EDNRB: variants seen among roughly 807,000 people sequenced by gnomAD.
EDNRB encodes the protein endothelin receptor type B, also known as Hirschsprung disease 2.
Under a neutral mutation model 46.4 loss-of-function variants are expected in EDNRB, and 18 were observed. The observed-to-expected ratio is 0.39, with a 90% CI of 0.27 to 0.57. EDNRB has a LOEUF of 0.57. Among genes scored for constraint, EDNRB ranks in the 20% least tolerant of loss-of-function variants. The pLI is 0.61. For missense variants in EDNRB, 434 were observed against 537.5 expected (o/e 0.81, Z 1.90); for synonymous variants, 213 against 204.9 (o/e 1.04, Z -0.34).
rs1280579016 is a variant in EDNRB, at chr13:77,897,981, G to T, written c.*219C>A. 4 of 1,337,466 alleles carry T rather than the reference G, an allele frequency of 3.0e-6. No individual in the cohort carries two copies. Among genetic ancestry groups the T allele is most frequent in the African/African-American group, 1.5e-5 (1 of 67,204 alleles). The allele number at this position is 1,337,466 out of a possible 1,614,324, so 82.8% of individuals were successfully genotyped here. On this transcript the variant is annotated 3_prime_UTR_variant, in exon 7 of 7. Coordinates refer to ENST00000646607, the MANE Select transcript of EDNRB (RefSeq NM_001122659.3). ...ACTGTAAAAAATTAAGTGCTTTCAC[G>T]ACGAGGCTTTCTTAATTCCCACTGA... is the stretch of plus-strand genomic sequence containing the variant.
Position 77,965,965 on chromosome 13 carries a change from C to T in EDNRB, c.-52+9382G>A, listed in dbSNP as rs776130675. Among the ~76,000 whole-genome samples the T allele has an allele frequency of 1.4e-4, 21 of 152,134 alleles. 1 individual carries two copies. The highest frequency in any genetic ancestry group is 4.1e-4 in the African/African-American group (17 of 41,440). ...GATCACAGCTCACTGCAGCCTCAAC[C>T]TTTTGGTCTCAAGCAATCCTTCCAC... On this transcript the variant is annotated intron_variant, in intron 1 of 7. Coordinates refer to the EDNRB transcript ENST00000646948.
chr13:77,934,350 CT>C (rs992431459), intron 1 of EDNRB, among the ~76,000 whole-genome samples: 7 of 152,226 alleles, frequency 4.6e-5, no homozygotes, highest in African/African-American at 1.4e-4. Context: ...GTCCGTTCTA[CT>C]TTTCCTGAAG....
At chr13:77,948,435 A>G (rs1399553688) in intron 1 of EDNRB, among the ~76,000 whole-genome samples, 17 of 152,210 alleles carry the variant, frequency 1.1e-4, no homozygotes, top group Admixed American at 1.1e-3. Flanking sequence ...AGTGCTTGGT[A>G]CTACATTTGA....
rs139698040 is a variant in EDNRB at position 77,934,682 on chromosome 13, G to T, written c.-51-16058C>A. The stretch of plus-strand genomic sequence containing the variant: ...CCCTGAGCTTGATGTGTAGGAAAGG[G>T]GGGGGGGGGCCTGAATAGTCCCTGA... On this transcript the variant is annotated intron_variant, in intron 1 of 7. Coordinates refer to the EDNRB transcript ENST00000646948. Among the ~76,000 whole-genome samples the T allele has an allele frequency of 8.7e-3, 1,242 of 142,878 alleles. 8 individuals carry two copies. The highest frequency in any genetic ancestry group is 0.012 in the Non-Finnish European group (828 of 66,654). The allele number at this position is 142,878 out of a possible 152,430, so 93.7% of individuals were successfully genotyped here.
At chr13:77,924,640 C>A (rs1880181140), upstream of EDNRB, among the ~76,000 whole-genome samples, 1 of 152,108 alleles carries the variant, frequency 6.6e-6, no homozygotes, top group South Asian at 2.1e-4. Context: ...ATCTCTGTAA[C>A]TTTTTCATCT....
At chr13:77,969,431 A>T (rs1881667613) in intron 1 of EDNRB, among the ~76,000 whole-genome samples, 1 of 152,152 alleles carries the variant, frequency 6.6e-6, no homozygotes. Context: ...TGGTACAATT[A>T]TGTCTATTTA....
intron 1 of EDNRB, among the ~76,000 whole-genome samples, chr13:77,961,845 G>GT (rs894148559): frequency 6.6e-6 from 1 of 152,068 alleles, no homozygotes; most frequent in African/African-American, 2.4e-5. Context: ...CCAGGAGCTG[G>GT]TTTTTTGAAA....
At chr13:77,948,881 A>G (rs2137672370) in intron 1 of EDNRB, among the ~76,000 whole-genome samples, 1 of 152,344 alleles carries the variant, frequency 6.6e-6, no homozygotes, top group Non-Finnish European at 1.5e-5. Flanking sequence ...AAAGCTAAAG[A>G]AAATACCTTG....
At chr13:77,901,638 G>A (rs2137607387) in intron 3 of EDNRB, among the ~76,000 whole-genome samples, 1 of 152,054 alleles carries the variant, frequency 6.6e-6, no homozygotes, top group South Asian at 2.1e-4. Flanking sequence ...ATACGAAAAG[G>A]TCTAGGTTAA....
upstream of EDNRB, among the ~76,000 whole-genome samples, chr13:77,924,144 T>A (rs1880165235): frequency 6.6e-6 from 1 of 152,226 alleles, no homozygotes; most frequent in South Asian, 2.1e-4. Flanking sequence ...AGTCATGGCA[T>A]GCTTTTGTCA....
At chr13:77,931,813 A>G (rs1316261456) in intron 1 of EDNRB, among the ~76,000 whole-genome samples, 1 of 150,302 alleles carries the variant, frequency 6.7e-6, no homozygotes, top group African/African-American at 2.4e-5. Flanking sequence ...TATTTTCAGT[A>G]GGGCATTTTT....
intron 1 of EDNRB, among the ~76,000 whole-genome samples, chr13:77,941,926 G>C (rs150382164): frequency 1.5e-4 from 23 of 152,194 alleles, no homozygotes; most frequent in Non-Finnish European, 2.5e-4. Context: ...AGAGATGGAA[G>C]AATAGAAGGC....
At chr13:77,941,444 G>T (rs1485601398) in intron 1 of EDNRB, among the ~76,000 whole-genome samples, 3 of 152,342 alleles carry the variant, frequency 2.0e-5, no homozygotes, top group African/African-American at 7.2e-5. Flanking sequence ...ACAGTTACTT[G>T]TATTGCACTA....
intron 1 of EDNRB, chr13:77,939,874 T>C (rs1880687862): frequency 6.6e-6 from 1 of 152,076 alleles, no homozygotes; most frequent in Non-Finnish European, 1.5e-5. Flanking sequence ...CACGTGCCTG[T>C]AGTCCCAGCT....
At chr13:77,940,016 A>AAATG (rs1880696655) in intron 1 of EDNRB, 1 of 151,356 alleles carries the variant, frequency 6.6e-6, no homozygotes, top group African/African-American at 2.4e-5. Flanking sequence ...ATAAATAAAT[A>AAATG]AATAAATAAA....
At chr13:77,905,276 A>G (rs1208463788) in intron 1 of EDNRB, among the ~76,000 whole-genome samples, 1 of 151,916 alleles carries the variant, frequency 6.6e-6, no homozygotes, top group African/African-American at 2.4e-5. Context: ...GGCTCCAAAT[A>G]CAAAAATCTC....
intron 1 of EDNRB, among the ~76,000 whole-genome samples, chr13:77,905,366 A>T (rs1025554306): frequency 1.1e-4 from 17 of 151,980 alleles, no homozygotes; most frequent in Non-Finnish European, 1.8e-4. Flanking sequence ...ATATATTTTT[A>T]AAAAACTCTC....
In EDNRB at chr13:77,901,095, C is replaced by T. The variant is rs5352; in HGVS notation, c.914G>A (p.Ser305Asn). 0.012 allele frequency: 19,636 copies of T among 1,611,268 alleles called. 140 individuals carry two copies. Among genetic ancestry groups the T allele is most frequent in the Non-Finnish European group, 0.014 (16,232 of 1,178,394 alleles). ...LMTCEMLRKK[S>N]GMQIALNDHL... ...ATCATTTAAAGCAATCTGCATGCCA[C>T]TTTTCTTTCTCAACATTTCACAGGT... Residue 305 changes from serine (S) to asparagine (N), a missense_variant, in exon 4 of 7, where the codon AGT (serine) becomes AAT (asparagine). Transcript: ENST00000646607.
intron 1 of EDNRB, among the ~76,000 whole-genome samples, chr13:77,907,541 T>C (rs1879341351): frequency 6.6e-6 from 1 of 152,000 alleles, no homozygotes; most frequent in South Asian, 2.1e-4. Context: ...TATCCATCCA[T>C]CTATCTATCC....
Sources: allele counts gnomAD v4.1 joint callset (sites outside exome capture counted in the v4.1 genomes callset), GRCh38; gene constraint gnomAD v4.1.1; transcripts MANE v1.5; gene names NCBI Gene and HGNC (gene_info 2026-07-23, HGNC 2026-07-21).